Variants in TMEM232 observed in about 807,000 individuals in gnomAD.
The protein encoded by TMEM232 is transmembrane protein 232.
Under a neutral mutation model 78.8 loss-of-function variants are expected in TMEM232, and 80 were observed. That is an observed-to-expected ratio of 1.01 (90% CI 0.85 to 1.22). The LOEUF is 1.22. TMEM232 is among the 50% of genes most tolerant of loss of function. The pLI is 0.00. For synonymous variants in TMEM232, 297 were observed against 254.3 expected (o/e 1.17, Z -1.60); for missense variants, 881 against 742.2 (o/e 1.19, Z -2.17).
intron 12 of TMEM232, among the ~76,000 whole-genome samples, chr5:110,484,726 TAATA>T (rs1159280436): frequency 6.6e-6 from 1 of 151,924 alleles, no homozygotes; most frequent in African/African-American, 2.4e-5. Flanking sequence ...TATTTAATAA[TAATA>T]AAGTGGTGAA....
chr5:110,587,693 G>A (rs34385794), intron 10 of TMEM232, among the ~76,000 whole-genome samples: 561 of 42,560 alleles, frequency 0.013, 1 homozygote, highest in African/African-American at 0.035. Flanking sequence ...ATATATATAT[G>A]TGTGTGTGTG....
At chr5:110,530,878 T>C (rs1485354571) in intron 11 of TMEM232, among the ~76,000 whole-genome samples, 2 of 152,134 alleles carry the variant, frequency 1.3e-5, no homozygotes, top group Non-Finnish European at 2.9e-5. Context: ...AAAGAAATAA[T>C]AACTATATGA....
chr5:110,707,777 G>T (rs1391381427), intron 1 of TMEM232, among the ~76,000 whole-genome samples: 1 of 152,190 alleles, frequency 6.6e-6, no homozygotes, highest in Non-Finnish European at 1.5e-5. Context: ...AAGAACAGGA[G>T]AGTGAAGAGT....
At chr5:110,640,496 T>C (rs569900987) in intron 4 of TMEM232, among the ~76,000 whole-genome samples, 25 of 152,246 alleles carry the variant, frequency 1.6e-4, no homozygotes, top group African/African-American at 6.0e-4. Flanking sequence ...GCTTGCTATT[T>C]AAAATAAGTG....
Position 110,395,125 on chromosome 5 carries a change from T to C in TMEM232, n.390+2648A>G, listed in dbSNP as rs146975076. On this transcript the variant is annotated intron_variant and non_coding_transcript_variant, in intron 3 of 8. Coordinates refer to the TMEM232 transcript ENST00000507188. Reference sequence around the variant, plus strand: ...CCTCCCTCAGGGGCATAGAGATTTATTGTTGCTGTTCCCCTCCCATTGCAT... The same window carrying C: ...CCTCCCTCAGGGGCATAGAGATTTACTGTTGCTGTTCCCCTCCCATTGCAT... Among the ~76,000 whole-genome samples, 241 of 152,286 alleles carry C rather than the reference T, an allele frequency of 1.6e-3. 1 individual carries two copies. The highest frequency in any genetic ancestry group is 5.2e-3 in the African/African-American group (218 of 41,556).
chr5:110,493,814 G>T (rs1765369861), intron 12 of TMEM232, among the ~76,000 whole-genome samples: 1 of 151,762 alleles, frequency 6.6e-6, no homozygotes, highest in Non-Finnish European at 1.5e-5. Context: ...TAAGTTCTGG[G>T]GTGCATGTGC....
intron 1 of TMEM232, among the ~76,000 whole-genome samples, chr5:110,674,383 G>A (rs1791760349): frequency 1.3e-5 from 2 of 152,142 alleles, no homozygotes; most frequent in Admixed American, 1.3e-4. Flanking sequence ...TGTGAAAAAA[G>A]TAATGAAGCA....
intron 2 of TMEM232, among the ~76,000 whole-genome samples, chr5:110,402,168 C>T (rs567403308): frequency 6.6e-6 from 1 of 152,206 alleles, no homozygotes; most frequent in African/African-American, 2.4e-5. Context: ...TTGCTCATTT[C>T]CTACAGATAT....
chr5:110,627,736 TATAAC>T (rs1384899759), intron 6 of TMEM232, 40 bp downstream of exon 6: 4 of 1,286,426 alleles, frequency 3.1e-6, no homozygotes, highest in African/African-American at 1.5e-5. Context: ...CTTATCAAAA[TATAAC>T]ATAAAACATT....
intron 1 of TMEM232, among the ~76,000 whole-genome samples, chr5:110,713,727 G>C (rs1433110473): frequency 6.6e-6 from 1 of 151,632 alleles, no homozygotes; most frequent in African/African-American, 2.4e-5. Context: ...AAAAAAGACA[G>C]CTTTATCTTC....
intron 12 of TMEM232, among the ~76,000 whole-genome samples, chr5:110,442,222 T>C (rs182857527): frequency 3.3e-5 from 5 of 152,200 alleles, no homozygotes; most frequent in Non-Finnish European, 7.3e-5. Flanking sequence ...TATCTCTTTT[T>C]CTACTTTCTC....
chr5:110,559,292 C>T (rs1443947971), intron 11 of TMEM232, among the ~76,000 whole-genome samples: 1 of 151,956 alleles, frequency 6.6e-6, no homozygotes, highest in African/African-American at 2.4e-5. Flanking sequence ...GAAAATAGTT[C>T]TTAAATAGTA....
chr5:110,398,391 C>T (rs1027087118), intron 2 of TMEM232, among the ~76,000 whole-genome samples: 2 of 152,116 alleles, frequency 1.3e-5, no homozygotes, highest in Non-Finnish European at 2.9e-5. Flanking sequence ...GTCAAAGACT[C>T]CGTGAGGTCT....
chr5:110,412,147 AG>A (rs1163212666), intron 2 of TMEM232, among the ~76,000 whole-genome samples: 1 of 152,178 alleles, frequency 6.6e-6, no homozygotes, highest in Admixed American at 6.5e-5. Context: ...ATAGTGAGAA[AG>A]GGGGGTATTT....
chr5:110,659,846 A>C (rs12109417), intron 2 of TMEM232, among the ~76,000 whole-genome samples: 1,791 of 152,286 alleles, frequency 0.012, 45 homozygotes, highest in African/African-American at 0.04. Flanking sequence ...ATCACAGATC[A>C]GAATAAAATG....
chr5:110,404,790 T>C (rs1229074181), intron 2 of TMEM232, among the ~76,000 whole-genome samples: 2 of 152,088 alleles, frequency 1.3e-5, no homozygotes, highest in African/African-American at 4.8e-5. Flanking sequence ...TAGAGTACCA[T>C]GGCAACTTCT....
At chr5:110,671,232 T>C (rs1791312538) in intron 1 of TMEM232, among the ~76,000 whole-genome samples, 2 of 152,170 alleles carry the variant, frequency 1.3e-5, no homozygotes, top group African/African-American at 4.8e-5. Context: ...TGGTGATCAT[T>C]AAAAAGTCTG....
At chr5:110,698,514 G>A (rs1353643942) in intron 1 of TMEM232, among the ~76,000 whole-genome samples, 1 of 152,096 alleles carries the variant, frequency 6.6e-6, no homozygotes, top group Non-Finnish European at 1.5e-5. Context: ...ATAGTCGGCA[G>A]AATTCCAGCC....
intron 12 of TMEM232, among the ~76,000 whole-genome samples, chr5:110,524,415 GAAAA>G (rs1770211532): frequency 1.6e-5 from 1 of 62,818 alleles, no homozygotes; most frequent in Non-Finnish European, 3.7e-5. Flanking sequence ...AAGAAAGAAA[GAAAA>G]GAAAAGAAAA....
Sources: gnomAD v4.1 joint callset for allele counts (sites outside exome capture counted in the v4.1 genomes callset) on GRCh38, gnomAD v4.1.1 for gene constraint, MANE v1.5 for transcripts, NCBI Gene and HGNC (gene_info 2026-07-23, HGNC 2026-07-21) for gene names.